TMEM132D: variants seen among roughly 807,000 people sequenced by gnomAD.
The protein encoded by TMEM132D is mature OL transmembrane protein.
Under a neutral mutation model 62.3 loss-of-function variants are expected in TMEM132D, and 21 were observed. The observed-to-expected ratio is 0.34, with a 90% confidence interval of 0.24 to 0.49. The LOEUF is 0.49. Ranked by LOEUF, TMEM132D falls within the 20% of genes least tolerant of loss-of-function variation. The probability of loss-of-function intolerance (pLI) is 0.99; values close to 1 mark genes in which losing one functional copy is unlikely to be tolerated. For synonymous variants in TMEM132D, 621 were observed against 575.6 expected, an observed-to-expected ratio of 1.08 and a Z score of -1.13; for missense variants, 1,346 against 1,402.8, an observed-to-expected ratio of 0.96 and a Z score of 0.65.
At chr12:129,883,248 A>G (rs1209444115) in intron 1 of TMEM132D, among the ~76,000 whole-genome samples, 1 of 152,238 alleles carries the variant, frequency 6.6e-6, no homozygotes, top group African/African-American at 2.4e-5. Flanking sequence ...AAAGAATTAT[A>G]AATTCAAATT....
At chr12:129,515,366 G>A (rs1260753814) in intron 3 of TMEM132D, among the ~76,000 whole-genome samples, 1 of 152,118 alleles carries the variant, frequency 6.6e-6, no homozygotes, top group African/African-American at 2.4e-5. Context: ...ATAGATAAAT[G>A]AATGAACAAA....
chr12:129,573,945 A>G (rs575300660), intron 2 of TMEM132D, among the ~76,000 whole-genome samples: 8 of 152,010 alleles, frequency 5.3e-5, no homozygotes, highest in African/African-American at 1.7e-4. Flanking sequence ...TTACCTAAGG[A>G]TGGGAACTGA....
intron 5 of TMEM132D, among the ~76,000 whole-genome samples, chr12:129,188,746 AGGGG>A (rs1878288847): frequency 1.4e-5 from 2 of 142,790 alleles, no homozygotes; most frequent in Non-Finnish European, 3.0e-5. Flanking sequence ...AAGGAGGGAG[AGGGG>A]GAGGGAGAGA....
intron 5 of TMEM132D, among the ~76,000 whole-genome samples, chr12:129,094,758 A>C (rs1368986018): frequency 6.6e-6 from 1 of 152,188 alleles, no homozygotes; most frequent in African/African-American, 2.4e-5. Context: ...CACTATTCAC[A>C]ATAGCAAAGA....
intron 2 of TMEM132D, among the ~76,000 whole-genome samples, chr12:129,686,296 C>T (rs1448986084): frequency 2.6e-5 from 4 of 152,088 alleles, no homozygotes; most frequent in African/African-American, 9.7e-5. Flanking sequence ...GTAAGTGAAA[C>T]ATGGCAGTGG....
At chr12:129,735,076 A>C (rs1490598123) in intron 1 of TMEM132D, among the ~76,000 whole-genome samples, 1 of 152,222 alleles carries the variant, frequency 6.6e-6, no homozygotes, top group Non-Finnish European at 1.5e-5. Flanking sequence ...TTTGAAAGTT[A>C]AATATTTAAA....
intron 1 of TMEM132D, among the ~76,000 whole-genome samples, chr12:129,806,475 T>C: frequency 7.5e-6 from 1 of 132,610 alleles, no homozygotes; most frequent in African/African-American, 2.8e-5. Context: ...TTCTCACTCA[T>C]AGGTGGGAAT....
At position 129,805,256 on chromosome 12, in the gene TMEM132D, A is replaced by G. The variant is rs1000900954; in HGVS notation, c.79+98005T>C. 1.0e-3 allele frequency among the ~76,000 whole-genome samples: 156 copies of G among 152,202 alleles called. 3 individuals are homozygous for G. The highest frequency in any genetic ancestry group is 8.7e-3 in the Admixed American group (133 of 15,298). ...CAAGTCAATCCTAAGCCAAAAGAAC[A>G]AAGCTGGAGCCATCATGCTACCTGA... On this transcript the variant is annotated intron_variant, in intron 1 of 8. Transcript: ENST00000422113.
At chr12:129,699,081 T>G (rs75885771) in intron 2 of TMEM132D, among the ~76,000 whole-genome samples, 1,794 of 152,298 alleles carry the variant, frequency 0.012, 42 homozygotes, top group African/African-American at 0.039. Context: ...CTTGCCTGTG[T>G]TGAAAATAAA....
At chr12:129,899,394 AATGGATGGATGCATGGATGGATGG>A (rs1212423819) in intron 1 of TMEM132D, among the ~76,000 whole-genome samples, 2 of 92,932 alleles carry the variant, frequency 2.2e-5, no homozygotes, top group Admixed American at 1.0e-4. Context: ...ATGGGTGGAT[AATGGATGGATGCATGGATGGATGG>A]ATGGATGGAT....
rs372985812 is a variant in TMEM132D at position 129,524,927 on chromosome 12, CTTTTT to C, written c.1115+6127_1115+6131del. Among the ~76,000 whole-genome samples the C allele has an allele frequency of 3.5e-5, 3 of 85,962 alleles. No homozygotes were observed. The South Asian group carries it at 1.4e-3, about 41-fold the overall frequency. 56.4% of individuals were successfully genotyped at this position (85,962 alleles called of 152,430 possible). On this transcript the variant is annotated intron_variant, in intron 3 of 8. Coordinates refer to ENST00000422113, the MANE Select transcript of TMEM132D (RefSeq NM_133448.3). ...TTATTTTCATATTTTTTTCTTTTTT[CTTTTT>C]TTTTTTTTTTTTGAGACGGAGTCTC...
intron 3 of TMEM132D, among the ~76,000 whole-genome samples, chr12:129,392,229 A>C (rs543681070): frequency 6.7e-6 from 1 of 149,008 alleles, no homozygotes; most frequent in East Asian, 2.0e-4. Flanking sequence ...AGTTAATTTT[A>C]TATTTTTAGT....
intron 1 of TMEM132D, among the ~76,000 whole-genome samples, chr12:129,870,125 G>T (rs1396614974): frequency 1.3e-5 from 2 of 152,122 alleles, no homozygotes; most frequent in Non-Finnish European, 2.9e-5. Context: ...TGGGATTACA[G>T]GTGCATGCCA....
chr12:129,202,554 T>C (rs1330815816), intron 5 of TMEM132D, among the ~76,000 whole-genome samples: 1 of 152,202 alleles, frequency 6.6e-6, no homozygotes, highest in African/African-American at 2.4e-5. Flanking sequence ...AGGAAAAACA[T>C]TTCTTTCTCA....
At chr12:129,601,162 C>A (rs908344207) in intron 2 of TMEM132D, among the ~76,000 whole-genome samples, 1 of 152,204 alleles carries the variant, frequency 6.6e-6, no homozygotes, top group South Asian at 2.1e-4. Context: ...CTTTGCCTTG[C>A]ACTTTTATGT....
In TMEM132D at chr12:129,816,408, G is replaced by A. The variant is rs189669579; in HGVS notation, c.79+86853C>T. Among the ~76,000 whole-genome samples, 12 of 152,226 alleles carry A rather than the reference G, an allele frequency of 7.9e-5. No homozygotes were observed. In the East Asian group the frequency reaches 1.2e-3, roughly 15 times the overall value. On this transcript the variant is annotated intron_variant, in intron 1 of 8. Coordinates refer to ENST00000422113, the MANE Select transcript of TMEM132D (RefSeq NM_133448.3). ...ACAGAACAGCTGGGTGACTTCCTCC[G>A]TATGCGAGATCACCATCGCCCCGCT...
chr12:129,257,416 A>G (rs1344359259), intron 4 of TMEM132D, among the ~76,000 whole-genome samples: 3 of 151,544 alleles, frequency 2.0e-5, no homozygotes, highest in Non-Finnish European at 4.4e-5. Context: ...TCACCATGTT[A>G]GCCAGGATGG....
At position 129,175,409 on chromosome 12, in the gene TMEM132D, C is replaced by T. The variant is rs538734528; in HGVS notation, c.1443+34111G>A. Among the ~76,000 whole-genome samples the T allele has an allele frequency of 2.6e-5, 4 of 152,268 alleles. No individual in the cohort carries two copies. In the South Asian group the frequency reaches 6.2e-4, roughly 24 times the overall value. ...TGCCAATCTGGTATTGCGTATGTCA[C>T]TTACAGTATGTATCTCAGTTTCCTT... On this transcript the variant is annotated intron_variant, in intron 5 of 8. Coordinates refer to ENST00000422113, the MANE Select transcript of TMEM132D (RefSeq NM_133448.3).
chr12:129,498,634 C>T (rs780123738), intron 3 of TMEM132D, among the ~76,000 whole-genome samples: 1 of 152,218 alleles, frequency 6.6e-6, no homozygotes, highest in Non-Finnish European at 1.5e-5. Context: ...TTGGTCAGAA[C>T]GCAGAGTTTT....
Sources: gnomAD v4.1 joint callset for allele counts (sites outside exome capture counted in the v4.1 genomes callset) on GRCh38, gnomAD v4.1.1 for gene constraint, MANE v1.5 for transcripts, NCBI Gene and HGNC (gene_info 2026-07-23, HGNC 2026-07-21) for gene names.